The following EPB41L3 variants were observed in gnomAD, a reference collection of about 807,000 sequenced individuals.
EPB41L3 encodes erythrocyte membrane protein band 4.1 like 3, also known as band 4.1-like protein 3.
Under a neutral mutation model 127.1 loss-of-function variants are expected in EPB41L3, and 57 were observed. The observed-to-expected ratio is 0.45, with a 90% confidence interval of 0.36 to 0.56. EPB41L3 has a LOEUF of 0.56. EPB41L3 is among the 20% of genes least tolerant of loss of function. The pLI, the probability that EPB41L3 is intolerant of heterozygous loss-of-function variation, is 0.00. For missense variants in EPB41L3, 1,273 were observed against 1,372.2 expected, an observed-to-expected ratio of 0.93 and a Z score of 1.14; for synonymous variants, 572 against 549.5, an observed-to-expected ratio of 1.04 and a Z score of -0.57.
intron 16 of EPB41L3, among the ~76,000 whole-genome samples, chr18:5,404,018 G>T (rs2143604424): frequency 6.6e-6 from 1 of 152,234 alleles, no homozygotes; most frequent in Non-Finnish European, 1.5e-5. Context: ...TAGAGCAAAA[G>T]AACTTTCTGG....
chr18:5,409,534 T>C (rs1257996601), intron 14 of EPB41L3, among the ~76,000 whole-genome samples: 1 of 152,162 alleles, frequency 6.6e-6, no homozygotes, highest in African/African-American at 2.4e-5. Flanking sequence ...TAAAAACTTA[T>C]GATTTTCAAG....
chr18:5,562,897 C>G (rs1477752564), intron 3 of EPB41L3, among the ~76,000 whole-genome samples: 1 of 152,202 alleles, frequency 6.6e-6, no homozygotes, highest in Non-Finnish European at 1.5e-5. Context: ...TATTAAGTAG[C>G]AGTAACACAG....
At position 5,434,040 on chromosome 18, in the gene EPB41L3, G is replaced by C. The variant is rs931744180; in HGVS notation, c.687C>G (p.Gly229=). 8 of 1,614,040 alleles carry C rather than the reference G, an allele frequency of 5.0e-6. No homozygotes were observed. The highest frequency in any genetic ancestry group is 6.8e-6 in the Non-Finnish European group (8 of 1,180,050). ...CGAGCTCTGACTGGACAGTGTAGGA[G>C]CCCAGCAAGGCCAGGGTAACAAAGG... is the stretch of plus-strand genomic sequence containing the variant. ...PCSFVTLALL[G]SYTVQSELGD... The change falls in exon 7 of 23, where the codon GGC becomes GGG. Residue 229 remains glycine, a synonymous_variant. Transcript: ENST00000341928.
At chr18:5,601,283 A>G (rs1297597189) in intron 3 of EPB41L3, among the ~76,000 whole-genome samples, 1 of 152,130 alleles carries the variant, frequency 6.6e-6, no homozygotes, top group Non-Finnish European at 1.5e-5. Context: ...AGATAACACC[A>G]TCAAACTTAG....
At chr18:5,407,054 C>T (rs2075514516) in intron 15 of EPB41L3, 86 bp from the exon 16 acceptor site, 7 of 1,311,538 alleles carry the variant, frequency 5.3e-6, no homozygotes, top group Non-Finnish European at 4.3e-6. Context: ...AAAGTAATGT[C>T]AATCTTATTA....
chr18:5,576,319 T>C (rs1327170090), intron 3 of EPB41L3, among the ~76,000 whole-genome samples: 2 of 152,122 alleles, frequency 1.3e-5, no homozygotes, highest in African/African-American at 2.4e-5. Context: ...GAAAAATAAA[T>C]AAATAAAAGA....
At chr18:5,527,448 A>C (rs1398665827) in intron 1 of EPB41L3, among the ~76,000 whole-genome samples, 1 of 151,766 alleles carries the variant, frequency 6.6e-6, no homozygotes, top group Non-Finnish European at 1.5e-5. Context: ...ATTTTTTCAC[A>C]TTATATTTTA....
At position 5,394,967 on chromosome 18, in the gene EPB41L3, C is replaced by T. The variant is rs78651692; in HGVS notation, c.3153+100G>A. 5.4e-3 allele frequency: 6,985 copies of T among 1,303,782 alleles called. 25 individuals carry two copies. The highest frequency in any genetic ancestry group is 6.2e-3 in the Non-Finnish European group (5,654 of 906,188). 80.8% of individuals were successfully genotyped at this position (1,303,782 alleles called of 1,614,324 possible). A position where few individuals can be genotyped will look rare whatever the true frequency, so the allele number is the denominator to read the frequency against. ...TGGAAAGTTAATTCGGAATTTTCTT[C>T]GGAATACATGCTGGACTAGAGGAAT... is the stretch of plus-strand genomic sequence containing the variant. On this transcript the variant is annotated intron_variant, in intron 21 of 22. Coordinates refer to ENST00000341928, the MANE Select transcript of EPB41L3 (RefSeq NM_012307.5).
intron 1 of EPB41L3, among the ~76,000 whole-genome samples, chr18:5,628,400 G>C (rs1472663541): frequency 1.3e-5 from 2 of 152,334 alleles, no homozygotes; most frequent in East Asian, 3.9e-4. Context: ...GCGGGGGTCT[G>C]TAACTAACAC....
At chr18:5,456,949 C>A (rs1008518508) in intron 3 of EPB41L3, among the ~76,000 whole-genome samples, 8 of 152,228 alleles carry the variant, frequency 5.3e-5, no homozygotes, top group African/African-American at 1.9e-4. Context: ...AGCAGGGAGG[C>A]GCGCTCACTG....
chr18:5,408,273 CTTTTTTTTTT>C (rs1208956534), intron 14 of EPB41L3, among the ~76,000 whole-genome samples: 1 of 50,468 alleles, frequency 2.0e-5, no homozygotes, highest in Non-Finnish European at 9.3e-5. Flanking sequence ...TTTCTTTTTT[CTTTTTTTTTT>C]TTTTTTTTGA....
upstream of EPB41L3, among the ~76,000 whole-genome samples, chr18:5,548,403 GTA>G (rs1217235331): frequency 5.3e-5 from 8 of 152,162 alleles, no homozygotes; most frequent in Non-Finnish European, 1.2e-4. Flanking sequence ...ACGAAATAAA[GTA>G]TTGATAAGTA....
rs1399743799 is a variant in EPB41L3 at position 5,419,279 on chromosome 18, T to A, written c.1506+432A>T. ...GTATAAATATGTAGGCTGTGGTCACTCCATGTACTTACAGTCAGAAGAATG... is the reference window on the plus strand; with the variant it reads ...GTATAAATATGTAGGCTGTGGTCACACCATGTACTTACAGTCAGAAGAATG... On this transcript the variant is annotated intron_variant, in intron 12 of 22. Coordinates refer to ENST00000341928, the MANE Select transcript of EPB41L3 (RefSeq NM_012307.5). Among the ~76,000 whole-genome samples the A allele has an allele frequency of 2.0e-5, 3 of 152,182 alleles. No homozygotes were observed. In the East Asian group the frequency reaches 5.8e-4, roughly 29 times the overall value.
chr18:5,572,295 C>T (rs1333442059), intron 3 of EPB41L3, among the ~76,000 whole-genome samples: 1 of 152,186 alleles, frequency 6.6e-6, no homozygotes, highest in East Asian at 1.9e-4. Context: ...AATTCCCAAC[C>T]CACCTTTGTC....
chr18:5,587,779 T>A (rs1467982179), intron 3 of EPB41L3, among the ~76,000 whole-genome samples: 1 of 152,224 alleles, frequency 6.6e-6, no homozygotes, highest in East Asian at 1.9e-4. Context: ...GTTTGTTTGA[T>A]TCATCTATTA....
chr18:5,512,167 T>C (rs1161739872), intron 1 of EPB41L3, among the ~76,000 whole-genome samples: 1 of 152,200 alleles, frequency 6.6e-6, no homozygotes. Context: ...AAAAAAGACA[T>C]GGATATAAAT....
At chr18:5,420,292 C>G in intron 11 of EPB41L3, 1 of 239,972 alleles carries the variant, frequency 4.2e-6, no homozygotes, top group Non-Finnish European at 8.2e-6. Context: ...GCCAATTCCA[C>G]ACCTAACAGC....
chr18:5,534,958 T>C (rs1179068750), intron 1 of EPB41L3, among the ~76,000 whole-genome samples: 1 of 152,164 alleles, frequency 6.6e-6, no homozygotes, highest in Non-Finnish European at 1.5e-5. Flanking sequence ...TTCTTTATTC[T>C]GCAACAAGGA....
intron 1 of EPB41L3, among the ~76,000 whole-genome samples, chr18:5,505,413 G>A (rs1188039428): frequency 5.3e-5 from 8 of 151,626 alleles, no homozygotes; most frequent in South Asian, 2.1e-4. Flanking sequence ...TCACCTCCAC[G>A]CTTTCGCCTC....
Sources: gnomAD v4.1 joint callset for allele counts (sites outside exome capture counted in the v4.1 genomes callset) on GRCh38, gnomAD v4.1.1 for gene constraint, MANE v1.5 for transcripts, NCBI Gene and HGNC (gene_info 2026-07-23, HGNC 2026-07-21) for gene names.